The following KCNMB4 variants were observed in gnomAD, a reference collection of about 807,000 sequenced individuals.
KCNMB4 encodes potassium calcium-activated channel subfamily M regulatory beta subunit 4.
A neutral mutation model predicts 20.7 loss-of-function variants in KCNMB4; 3 were observed. That is an observed-to-expected ratio of 0.14 (90% CI 0.07 to 0.37). KCNMB4 has a LOEUF of 0.37. KCNMB4 is among the 10% of genes least tolerant of loss of function. KCNMB4 has a pLI of 1.00. For missense variants in KCNMB4, 168 were observed against 265.9 expected, an observed-to-expected ratio of 0.63 and a Z score of 2.56; for synonymous variants, 110 against 113.4, an observed-to-expected ratio of 0.97 and a Z score of 0.19.
intron 1 of KCNMB4, among the ~76,000 whole-genome samples, chr12:70,373,453 T>A (rs1565852967): frequency 6.6e-6 from 1 of 152,148 alleles, no homozygotes; most frequent in Non-Finnish European, 1.5e-5. Context: ...GCATGTAGAC[T>A]CCTTCTCCAA....
intron 1 of KCNMB4, among the ~76,000 whole-genome samples, chr12:70,374,538 G>A (rs9971902): frequency 0.56 from 84,899 of 152,014 alleles, 24,815 homozygotes; most frequent in African/African-American, 0.74. Context: ...AATTGTACTT[G>A]TGAGTTGTAA....
chr12:70,373,264 G>T (rs1417839992), intron 1 of KCNMB4, among the ~76,000 whole-genome samples: 1 of 152,208 alleles, frequency 6.6e-6, no homozygotes, highest in Non-Finnish European at 1.5e-5. Context: ...GGGAGTTAAG[G>T]TTGTTAAACA....
At chr12:70,384,873 CAAAAAAAAAAAAAA>C (rs57306622) in intron 1 of KCNMB4, among the ~76,000 whole-genome samples, 5 of 74,316 alleles carry the variant, frequency 6.7e-5, no homozygotes, top group South Asian at 5.4e-4. Flanking sequence ...GACCCTGTCT[CAAAAAAAAAAAAAA>C]AAAAAAAAAG....
At chr12:70,374,760 G>A (rs762817025) in intron 1 of KCNMB4, among the ~76,000 whole-genome samples, 19 of 152,026 alleles carry the variant, frequency 1.2e-4, no homozygotes, top group South Asian at 2.1e-4. Flanking sequence ...GACTTGCTTT[G>A]TCTTCATGTA....
intron 2 of KCNMB4, 74 bp downstream of exon 2, chr12:70,400,410 A>T (rs922286540): frequency 9.9e-5 from 141 of 1,429,930 alleles, no homozygotes; most frequent in Non-Finnish European, 1.2e-4. Context: ...TATATCGTAG[A>T]TTATGCCCAC....
At chr12:70,401,846 C>T (rs1868462174) in intron 2 of KCNMB4, among the ~76,000 whole-genome samples, 1 of 152,036 alleles carries the variant, frequency 6.6e-6, no homozygotes, top group Admixed American at 6.5e-5. Flanking sequence ...GTGGCAGCCT[C>T]AGATAGCATT....
At chr12:70,410,427 C>T (rs1868739725) in intron 2 of KCNMB4, among the ~76,000 whole-genome samples, 1 of 152,194 alleles carries the variant, frequency 6.6e-6, no homozygotes, top group African/African-American at 2.4e-5. Flanking sequence ...TGAATATGTA[C>T]TTTTTTGTTG....
intron 1 of KCNMB4, among the ~76,000 whole-genome samples, chr12:70,395,322 T>C (rs1291250995): frequency 6.6e-6 from 1 of 152,114 alleles, no homozygotes; most frequent in African/African-American, 2.4e-5. Flanking sequence ...ATTCCTAACA[T>C]AGAACCCAGT....
chr12:70,378,664 G>A (rs1053535181), intron 1 of KCNMB4, among the ~76,000 whole-genome samples: 7 of 152,074 alleles, frequency 4.6e-5, no homozygotes, highest in African/African-American at 1.7e-4. Context: ...AGCTTCCTGA[G>A]TAGCTGGGAC....
At chr12:70,394,963 G>T (rs888723256) in intron 1 of KCNMB4, among the ~76,000 whole-genome samples, 2 of 152,072 alleles carry the variant, frequency 1.3e-5, no homozygotes, top group African/African-American at 4.8e-5. Context: ...CACTGCACCT[G>T]ACTGTTAATG....
intron 2 of KCNMB4, among the ~76,000 whole-genome samples, chr12:70,404,950 T>C (rs1868555326): frequency 1.3e-5 from 2 of 152,118 alleles, no homozygotes; most frequent in South Asian, 4.2e-4. Flanking sequence ...GAGGGAAATG[T>C]TGACAGAATC....
chr12:70,368,187 T>C (rs1219353057), intron 1 of KCNMB4, among the ~76,000 whole-genome samples: 2 of 152,160 alleles, frequency 1.3e-5, no homozygotes, highest in Non-Finnish European at 2.9e-5. Context: ...AGGAAAACTT[T>C]CTGTTAACTC....
At chr12:70,427,023 A>G (rs1436643940) in intron 2 of KCNMB4, among the ~76,000 whole-genome samples, 2 of 152,014 alleles carry the variant, frequency 1.3e-5, no homozygotes, top group East Asian at 1.9e-4. Flanking sequence ...TAGAGTAATT[A>G]CCCCTTTTTT....
At chr12:70,381,632 A>G (rs966569523) in intron 1 of KCNMB4, among the ~76,000 whole-genome samples, 2 of 152,356 alleles carry the variant, frequency 1.3e-5, no homozygotes, top group African/African-American at 4.8e-5. Flanking sequence ...AACACACGTT[A>G]TATGAGTCCA....
chr12:70,386,597 GT>G (rs1256647116), intron 1 of KCNMB4, among the ~76,000 whole-genome samples: 16,363 of 119,666 alleles, frequency 0.14, 1,188 homozygotes, highest in Non-Finnish European at 0.18. Context: ...TTTGTTTGTT[GT>G]TTTTTTTTTT....
chr12:70,391,436 A>G (rs1400118668), intron 1 of KCNMB4, among the ~76,000 whole-genome samples: 1 of 151,916 alleles, frequency 6.6e-6, no homozygotes, highest in Non-Finnish European at 1.5e-5. Flanking sequence ...CTGACTAACT[A>G]TGACTAAAGA....
chr12:70,381,823 A>G (rs1883791959), intron 1 of KCNMB4, among the ~76,000 whole-genome samples: 1 of 152,206 alleles, frequency 6.6e-6, no homozygotes, highest in Non-Finnish European at 1.5e-5. Context: ...CCTCTGTGCA[A>G]TCTACTAAAA....
intron 1 of KCNMB4, among the ~76,000 whole-genome samples, chr12:70,381,654 T>G (rs2136119753): frequency 6.6e-6 from 1 of 152,232 alleles, no homozygotes. Context: ...TTACAGGAAA[T>G]GTCCAGAATA....
intron 1 of KCNMB4, among the ~76,000 whole-genome samples, chr12:70,370,614 A>T (rs1350376228): frequency 6.6e-6 from 1 of 151,784 alleles, no homozygotes; most frequent in Non-Finnish European, 1.5e-5. Context: ...GGCCAGTGCT[A>T]CTGAATTTAG....
Sources: gnomAD v4.1 joint callset for allele counts (sites outside exome capture counted in the v4.1 genomes callset) on GRCh38, gnomAD v4.1.1 for gene constraint, MANE v1.5 for transcripts, NCBI Gene and HGNC (gene_info 2026-07-23, HGNC 2026-07-21) for gene names.